ZFHX3: variants seen among roughly 807,000 people sequenced by gnomAD.
ZFHX3 encodes the protein zinc finger homeobox 3.
ZFHX3 carries 42 observed loss-of-function variants against 279.1 expected under a neutral mutation model. That is an observed-to-expected ratio of 0.15 (90% CI 0.12 to 0.19). The LOEUF (loss-of-function observed/expected upper bound fraction) is 0.19. Ranked by LOEUF, ZFHX3 falls within the 10% of genes least tolerant of loss-of-function variation. The pLI, the probability that ZFHX3 is intolerant of heterozygous loss-of-function variation, is 1.00. For missense variants in ZFHX3, 4,981 were observed against 4,754.0 expected, an observed-to-expected ratio of 1.05 and a Z score of -1.40; for synonymous variants, 2,293 against 1,957.8, an observed-to-expected ratio of 1.17 and a Z score of -4.52.
chr16:73,864,473 C>G (rs1961959798), intron 1 of ZFHX3, among the ~76,000 whole-genome samples: 1 of 152,184 alleles, frequency 6.6e-6, no homozygotes. Context: ...AATCCCAGCA[C>G]TTCGGGAGGC....
intron 2 of ZFHX3, among the ~76,000 whole-genome samples, chr16:73,521,036 C>T (rs975863781): frequency 6.6e-6 from 1 of 152,200 alleles, no homozygotes; most frequent in Non-Finnish European, 1.5e-5. Flanking sequence ...GGATTCAATA[C>T]TTCAGAACAT....
Position 73,645,000 on chromosome 16 carries a change from A to G in ZFHX3, c.-1547+35180T>C, listed in dbSNP as rs112552375. Reference sequence around the variant, plus strand: ...ATGAGGAAATAGTGCTGAATACCTGATTCACTGGCATGACTGAACACAGTT... The same window carrying G: ...ATGAGGAAATAGTGCTGAATACCTGGTTCACTGGCATGACTGAACACAGTT... On this transcript the variant is annotated intron_variant, in intron 2 of 17. Coordinates refer to the ZFHX3 transcript ENST00000641206. Among the ~76,000 whole-genome samples, 91 of 152,318 alleles carry G rather than the reference A, an allele frequency of 6.0e-4. 1 individual carries two copies. The highest frequency in any genetic ancestry group is 2.0e-3 in the African/African-American group (85 of 41,592).
intron 1 of ZFHX3, among the ~76,000 whole-genome samples, chr16:72,980,149 A>C (rs2144537990): frequency 6.6e-6 from 1 of 152,314 alleles, no homozygotes; most frequent in African/African-American, 2.4e-5. Context: ...TGCTGACGTC[A>C]GAGAGCCGGT....
intron 2 of ZFHX3, among the ~76,000 whole-genome samples, chr16:73,464,223 GGA>G (rs1291374331): frequency 1.3e-5 from 2 of 151,770 alleles, no homozygotes; most frequent in East Asian, 1.9e-4. Context: ...AGAGAGAGAG[GGA>G]GAGAGAGGTT....
chr16:73,646,710 C>T (rs1193116332), intron 2 of ZFHX3, among the ~76,000 whole-genome samples: 1 of 152,098 alleles, frequency 6.6e-6, no homozygotes, highest in African/African-American at 2.4e-5. Context: ...ACTTCGAAAC[C>T]TCCGTGAAAT....
At chr16:73,887,067 G>C (rs1253150114) in intron 1 of ZFHX3, among the ~76,000 whole-genome samples, 1 of 152,172 alleles carries the variant, frequency 6.6e-6, no homozygotes, top group Non-Finnish European at 1.5e-5. Flanking sequence ...TGAGTTGTTT[G>C]TTTCACTCAC....
Position 72,954,476 on chromosome 16 carries a change from A to C in ZFHX3, c.2719+2951T>G, listed in dbSNP as rs1961151605. 2.0e-5 allele frequency among the ~76,000 whole-genome samples: 3 copies of C among 152,170 alleles called. 1 individual carries two copies. In the South Asian group the frequency reaches 6.2e-4, roughly 32 times the overall value. On this transcript the variant is annotated intron_variant, in intron 2 of 9. Coordinates refer to ENST00000268489, the MANE Select transcript of ZFHX3 (RefSeq NM_006885.4). ...CATCTCTGGGTATGCACCTAACTCT[A>C]ACACTGGAACTGACACCTTGACACG...
intron 4 of ZFHX3, among the ~76,000 whole-genome samples, chr16:72,861,629 A>G (rs2037890309): frequency 6.6e-6 from 1 of 152,222 alleles, no homozygotes; most frequent in African/African-American, 2.4e-5. Context: ...GAAAAATTCT[A>G]TCTGAAAATG....
chr16:73,858,289 T>A (rs1023394565), intron 1 of ZFHX3, among the ~76,000 whole-genome samples: 1 of 152,082 alleles, frequency 6.6e-6, no homozygotes, highest in Non-Finnish European at 1.5e-5. Context: ...ATAGAAACAG[T>A]TTCAGACCAT....
chr16:73,659,762 G>A (rs956405501), intron 2 of ZFHX3, among the ~76,000 whole-genome samples: 1 of 152,122 alleles, frequency 6.6e-6, no homozygotes, highest in African/African-American at 2.4e-5. Context: ...ACTCATCTGG[G>A]CGTATATCGT....
intron 5 of ZFHX3, among the ~76,000 whole-genome samples, chr16:73,248,641 A>ATGTGTG (rs1346342752): frequency 1.8e-5 from 2 of 110,242 alleles, no homozygotes; most frequent in African/African-American, 7.3e-5. Flanking sequence ...TATGTGGAGA[A>ATGTGTG]TGTATGTGTG....
At chr16:73,367,057 C>T (rs1448602307) in intron 3 of ZFHX3, among the ~76,000 whole-genome samples, 2 of 152,136 alleles carry the variant, frequency 1.3e-5, no homozygotes, top group Admixed American at 1.3e-4. Flanking sequence ...ACTTTCTCTC[C>T]CACAGTGAGT....
intron 3 of ZFHX3, among the ~76,000 whole-genome samples, chr16:73,322,238 A>G (rs1263108411): frequency 6.6e-6 from 1 of 150,732 alleles, no homozygotes; most frequent in Non-Finnish European, 1.5e-5. Flanking sequence ...GAAATCAGCC[A>G]GAAAGCACTG....
rs552924161 is a variant in ZFHX3, at chr16:72,926,350, C to G, written c.3216+24119G>C. Among the ~76,000 whole-genome samples, 12 of 152,242 alleles carry G rather than the reference C, an allele frequency of 7.9e-5. No homozygotes were observed. In the South Asian group the frequency reaches 2.5e-3, roughly 32 times the overall value. Reference sequence around the variant, plus strand: ...CTGCCCGCCCACTCGCTCCCCTTCCCAAGTAACAAAAGCCAGATAAATCCA... The same window carrying G: ...CTGCCCGCCCACTCGCTCCCCTTCCGAAGTAACAAAAGCCAGATAAATCCA... On this transcript the variant is annotated intron_variant, in intron 3 of 9. Coordinates refer to ENST00000268489, the MANE Select transcript of ZFHX3 (RefSeq NM_006885.4).
In ZFHX3 at chr16:72,798,160, T is replaced by C. The variant is rs1597244489; in HGVS notation, c.4522A>G (p.Ser1508Gly). 1 of 1,614,230 alleles carries C rather than the reference T, an allele frequency of 6.2e-7. No homozygotes were observed. Among genetic ancestry groups the C allele is most frequent in the African/African-American group, 1.3e-5 (1 of 75,058 alleles). Residue 1508 changes from serine (S) to glycine (G), a missense_variant, in exon 9 of 10, where the codon AGT (serine) becomes GGT (glycine). Ser to Gly is a moderately conservative substitution (Grantham distance 56). Coordinates refer to ENST00000268489, the MANE Select transcript of ZFHX3 (RefSeq NM_006885.4). The part of the protein sequence containing the change: ...DLEDKQSPTG[S>G]DSGSVQEDSG... ...TCTTCTTGTACTGACCCAGAGTCACTGCCCGTTGGGCTCTGTTTATCTTCC... is the reference window on the plus strand; with the variant it reads ...TCTTCTTGTACTGACCCAGAGTCACCGCCCGTTGGGCTCTGTTTATCTTCC...
At chr16:73,088,047 C>T (rs541757906) in intron 8 of ZFHX3, among the ~76,000 whole-genome samples, 9 of 152,198 alleles carry the variant, frequency 5.9e-5, no homozygotes, top group East Asian at 3.9e-4. Flanking sequence ...AGGCTGGTCT[C>T]GAACTCCTGA....
At chr16:73,860,721 G>A (rs1428722440) in intron 1 of ZFHX3, among the ~76,000 whole-genome samples, 3 of 152,276 alleles carry the variant, frequency 2.0e-5, no homozygotes, top group South Asian at 2.1e-4. Flanking sequence ...AAAGACGCTA[G>A]CACTTGATAA....
At chr16:73,792,134 T>A (rs781504856) in intron 1 of ZFHX3, among the ~76,000 whole-genome samples, 1 of 152,234 alleles carries the variant, frequency 6.6e-6, no homozygotes, top group Non-Finnish European at 1.5e-5. Flanking sequence ...TGCCCACAGA[T>A]GATTTAAAAT....
intron 7 of ZFHX3, among the ~76,000 whole-genome samples, chr16:72,802,271 CAAAAAAGAAAA>C (rs2036125702): frequency 6.7e-6 from 1 of 149,964 alleles, no homozygotes; most frequent in Non-Finnish European, 1.5e-5. Context: ...TGAATGACGG[CAAAAAAGAAAA>C]AAAAAAGACA....
Sources: gnomAD v4.1 joint callset for allele counts (sites outside exome capture counted in the v4.1 genomes callset) on GRCh38, gnomAD v4.1.1 for gene constraint, MANE v1.5 for transcripts, NCBI Gene and HGNC (gene_info 2026-07-23, HGNC 2026-07-21) for gene names.